TRPC5: variants seen among roughly 807,000 people sequenced by gnomAD.
TRPC5 encodes the protein short transient receptor potential channel 5.
In TRPC5, 9 loss-of-function variants were observed where a neutral mutation model predicts 56.5. That is an observed-to-expected ratio of 0.16 (90% CI 0.10 to 0.28). TRPC5 has a LOEUF of 0.28. TRPC5 is among the 10% of genes least tolerant of loss of function. TRPC5 has a pLI of 1.00. For missense variants in TRPC5, 469 were observed against 748.9 expected (o/e 0.63, Z 4.36); for synonymous variants, 282 against 278.5 (o/e 1.01, Z -0.13).
chrX:111,863,580 C>A (rs1276901892), intron 3 of TRPC5, among the ~76,000 whole-genome samples: 1 of 112,095 alleles, frequency 8.9e-6, no homozygotes, highest in Non-Finnish European at 1.9e-5. Flanking sequence ...TTAATTCTTC[C>A]TTTCCAAACT....
chrX:111,984,953 T>C (rs1380194700), intron 1 of TRPC5, among the ~76,000 whole-genome samples: 2 of 112,331 alleles, frequency 1.8e-5, no homozygotes, highest in African/African-American at 6.5e-5. Flanking sequence ...GTACAGCAGC[T>C]GCAAGAGGTT....
chrX:111,895,186 C>A (rs993946339), intron 3 of TRPC5, among the ~76,000 whole-genome samples: 4 of 111,450 alleles, frequency 3.6e-5, no homozygotes, highest in Non-Finnish European at 7.5e-5. Flanking sequence ...TCCATGTTTT[C>A]AGTGCTTGGT....
At chrX:111,810,749 G>A (rs948819039) in intron 7 of TRPC5, among the ~76,000 whole-genome samples, 4 of 111,125 alleles carry the variant, frequency 3.6e-5, no homozygotes, top group Admixed American at 2.9e-4. Context: ...TAAGAAGAAA[G>A]GCATTTTTAA....
intron 2 of TRPC5, among the ~76,000 whole-genome samples, chrX:111,945,788 G>T (rs1436280183): frequency 8.9e-6 from 1 of 111,898 alleles, no homozygotes; most frequent in African/African-American, 3.2e-5. Context: ...GAAGGCAGTG[G>T]TTTATCTTCC....
At chrX:112,056,001 C>A (rs970516303) in intron 1 of TRPC5, among the ~76,000 whole-genome samples, 6 of 111,196 alleles carry the variant, frequency 5.4e-5, no homozygotes, top group African/African-American at 2.0e-4. Flanking sequence ...TATATTGGAG[C>A]ATCAAGATAG....
chrX:111,916,121 C>T (rs996336122), intron 2 of TRPC5, among the ~76,000 whole-genome samples: 2 of 110,922 alleles, frequency 1.8e-5, no homozygotes, highest in Admixed American at 9.6e-5. Flanking sequence ...AGAGTGATAC[C>T]CTGTCTCCAA....
At position 111,888,288 on chromosome X, in the gene TRPC5, A is replaced by G. The variant is rs141408988; in HGVS notation, c.900+24003T>C. Among the ~76,000 whole-genome samples, 940 of 110,837 alleles carry G rather than the reference A, an allele frequency of 8.5e-3. 16 individuals carry two copies. Among genetic ancestry groups the G allele is most frequent in the African/African-American group, 0.029 (886 of 30,402 alleles). On this transcript the variant is annotated intron_variant, in intron 3 of 10. Coordinates refer to ENST00000262839, the MANE Select transcript of TRPC5 (RefSeq NM_012471.3). ...AAACCACTATAAGGATTTGGGTTTT[A>G]TGCTAAAGGAAATGCAGTTATCAGA...
intron 1 of TRPC5, among the ~76,000 whole-genome samples, chrX:111,973,800 T>G (rs1569528949): frequency 1.8e-5 from 2 of 112,499 alleles, no homozygotes; most frequent in African/African-American, 6.5e-5. Flanking sequence ...CTATTTATTT[T>G]ACTTCATTTA....
At chrX:111,881,517 G>A (rs370003524) in intron 3 of TRPC5, among the ~76,000 whole-genome samples, 1 of 111,290 alleles carries the variant, frequency 9.0e-6, no homozygotes, top group African/African-American at 3.3e-5. Context: ...ACCAAATGTC[G>A]GTGTCCTAGA....
chrX:112,021,703 A>G (rs1929275337), intron 1 of TRPC5, among the ~76,000 whole-genome samples: 1 of 112,551 alleles, frequency 8.9e-6, no homozygotes, highest in South Asian at 3.7e-4. Flanking sequence ...GGATAATTGA[A>G]TATACCTGTT....
intron 7 of TRPC5, among the ~76,000 whole-genome samples, chrX:111,790,230 TA>T (rs1335094843): frequency 9.0e-6 from 1 of 111,275 alleles, no homozygotes; most frequent in African/African-American, 3.3e-5. Context: ...TATGCAGCCA[TA>T]AAAAAGGATG....
At chrX:111,965,758 G>C (rs1927545309) in intron 1 of TRPC5, among the ~76,000 whole-genome samples, 1 of 111,781 alleles carries the variant, frequency 8.9e-6, no homozygotes, top group Non-Finnish European at 1.9e-5. Context: ...CAGAAATAAA[G>C]ATGTTCTTTG....
At chrX:111,929,986 G>T (rs1426297083) in intron 2 of TRPC5, among the ~76,000 whole-genome samples, 1 of 111,890 alleles carries the variant, frequency 8.9e-6, no homozygotes, top group Non-Finnish European at 1.9e-5. Context: ...TAACACTCCT[G>T]CCCAGTAGCC....
At chrX:111,851,953 G>A (rs1274449288) in intron 5 of TRPC5, among the ~76,000 whole-genome samples, 1 of 111,979 alleles carries the variant, frequency 8.9e-6, no homozygotes, top group African/African-American at 3.2e-5. Flanking sequence ...TGGAGATAGT[G>A]AATTCAGTGA....
intron 2 of TRPC5, among the ~76,000 whole-genome samples, chrX:111,927,186 G>C (rs995408608): frequency 8.9e-6 from 1 of 112,074 alleles, no homozygotes; most frequent in Non-Finnish European, 1.9e-5. Context: ...CAGCATCCCT[G>C]GCCTTACCCC....
At chrX:111,833,798 T>A (rs1238772690) in intron 7 of TRPC5, among the ~76,000 whole-genome samples, 1 of 111,502 alleles carries the variant, frequency 9.0e-6, no homozygotes, top group Non-Finnish European at 1.9e-5. Flanking sequence ...TCTATGTATA[T>A]GTAACAAGTA....
intron 3 of TRPC5, among the ~76,000 whole-genome samples, chrX:111,856,271 G>A (rs1326182525): frequency 9.0e-6 from 1 of 110,652 alleles, no homozygotes; most frequent in Admixed American, 9.7e-5. Flanking sequence ...GCTGGGCACG[G>A]TGGCTCATGC....
chrX:111,944,095 A>G (rs1240264885), intron 2 of TRPC5, among the ~76,000 whole-genome samples: 5 of 111,353 alleles, frequency 4.5e-5, no homozygotes, highest in Admixed American at 9.6e-5. Context: ...CATTCTGCAG[A>G]TGGTGGAGTT....
chrX:111,992,588 C>CATT (rs534660293), intron 1 of TRPC5, among the ~76,000 whole-genome samples: 8,449 of 104,922 alleles, frequency 0.081, 542 homozygotes, highest in African/African-American at 0.21. Context: ...TTTTTTAAAA[C>CATT]ATTATTATTA....
Sources: gnomAD v4.1 joint callset for allele counts (sites outside exome capture counted in the v4.1 genomes callset) on GRCh38, gnomAD v4.1.1 for gene constraint, MANE v1.5 for transcripts, NCBI Gene and HGNC (gene_info 2026-07-23, HGNC 2026-07-21) for gene names.